GRID2: variants seen among roughly 807,000 people sequenced by gnomAD.
GRID2 encodes the protein glutamate receptor ionotropic, delta-2.
A neutral mutation model predicts 114.8 loss-of-function variants in GRID2; 33 were observed. The observed-to-expected ratio is 0.29, with a 90% CI of 0.22 to 0.38. The LOEUF (loss-of-function observed/expected upper bound fraction) is 0.38, where lower values mean the gene tolerates loss of function less well. GRID2 is among the 10% of genes least tolerant of loss of function. The pLI is 1.00. For synonymous variants in GRID2, 505 were observed against 449.9 expected, an observed-to-expected ratio of 1.12 and a Z score of -1.55; for missense variants, 1,184 against 1,257.7, an observed-to-expected ratio of 0.94 and a Z score of 0.89.
chr4:92,977,046 C>A (rs1184321258), intron 2 of GRID2, among the ~76,000 whole-genome samples: 1 of 152,052 alleles, frequency 6.6e-6, no homozygotes. Flanking sequence ...ATTCAACAAT[C>A]AATCAGTAAA....
chr4:93,579,262 C>G (rs1736735408), intron 13 of GRID2, among the ~76,000 whole-genome samples: 1 of 152,102 alleles, frequency 6.6e-6, no homozygotes, highest in South Asian at 2.1e-4. Flanking sequence ...CTCCACTACC[C>G]ACACAGTTCC....
intron 5 of GRID2, among the ~76,000 whole-genome samples, chr4:93,212,082 A>G (rs1025272302): frequency 2.0e-5 from 3 of 152,108 alleles, no homozygotes; most frequent in Admixed American, 6.6e-5. Context: ...GGATTTCTCA[A>G]TATTGCTAGG....
Position 92,406,519 on chromosome 4 carries a change from G to A in GRID2, c.88+101775G>A, listed in dbSNP as rs1025558564. Among the ~76,000 whole-genome samples the A allele has an allele frequency of 3.9e-5, 6 of 152,158 alleles. No individual in the cohort carries two copies. In the East Asian group the frequency reaches 1.2e-3, roughly 29 times the overall value. On this transcript the variant is annotated intron_variant, in intron 1 of 15. Transcript: ENST00000282020. ...GACATTGTGTCTCTGGAAGTGACTA[G>A]AGTTTTGGGTATTTTTCCTTTTTTT...
chr4:92,982,046 GAAAA>G (rs1027039954), intron 2 of GRID2, among the ~76,000 whole-genome samples: 12 of 79,612 alleles, frequency 1.5e-4, no homozygotes, highest in South Asian at 4.8e-4. Flanking sequence ...AAAAAAAAAA[GAAAA>G]AGAAAAAAGA....
intron 2 of GRID2, among the ~76,000 whole-genome samples, chr4:92,749,513 C>A (rs1737334923): frequency 6.6e-6 from 1 of 151,942 alleles, no homozygotes; most frequent in South Asian, 2.1e-4. Flanking sequence ...CCGGGTTTCA[C>A]TATGTTGGCC....
In GRID2 at chr4:93,216,919, A is replaced by G. The variant is rs762852368; in HGVS notation, c.963+8A>G. 1 of 1,592,456 alleles carries G rather than the reference A, an allele frequency of 6.3e-7. No homozygotes were observed. Among genetic ancestry groups the G allele is most frequent in the South Asian group, 1.1e-5 (1 of 90,444 alleles). ...TTTGCTCAGAATATGGAGGTATATTATAAATGACAGGATATTTCTTCCAGG... is the reference window on the plus strand; with the variant it reads ...TTTGCTCAGAATATGGAGGTATATTGTAAATGACAGGATATTTCTTCCAGG... On this transcript the variant is annotated splice_region_variant and intron_variant, in intron 6 of 15. Transcript: ENST00000282020.
Position 92,993,701 on chromosome 4 carries a change from A to C in GRID2, c.245-91294A>C, listed in dbSNP as rs545371300. 2.0e-5 allele frequency among the ~76,000 whole-genome samples: 3 copies of C among 152,280 alleles called. No individual in the cohort carries two copies. The East Asian group carries it at 5.8e-4, about 29-fold the overall frequency. Reference sequence around the variant, plus strand: ...ATCTCAGGTCACTGATTATTCTGTGAAATTTGGACAACCTCAAAGACTACA... The same window carrying C: ...ATCTCAGGTCACTGATTATTCTGTGCAATTTGGACAACCTCAAAGACTACA... On this transcript the variant is annotated intron_variant, in intron 2 of 15. Coordinates refer to ENST00000282020, the MANE Select transcript of GRID2 (RefSeq NM_001510.4).
intron 1 of GRID2, among the ~76,000 whole-genome samples, chr4:92,315,993 CAA>C (rs778361565): frequency 1.6e-4 from 10 of 61,916 alleles, no homozygotes; most frequent in Admixed American, 2.0e-4. Context: ...AAACAAAAAG[CAA>C]AAAAAAAAAA....
In GRID2 at chr4:93,644,341, A is replaced by G. The variant is rs973682109; in HGVS notation, c.2360+17906A>G. 1.4e-5 allele frequency among the ~76,000 whole-genome samples: 2 copies of G among 145,676 alleles called. 1 individual carries two copies. Among genetic ancestry groups the G allele is most frequent in the Non-Finnish European group, 3.1e-5 (2 of 64,068 alleles). ...TCGGCCATCTTGGCTCCTCCCCACT[A>G]AAACTTGCATCTTAATGATATTTTT... On this transcript the variant is annotated intron_variant, in intron 14 of 15. Transcript: ENST00000282020.
intron 8 of GRID2, among the ~76,000 whole-genome samples, chr4:93,314,303 CAAAAAAAAA>C (rs56977080): frequency 1.6e-3 from 87 of 54,174 alleles, no homozygotes; most frequent in African/African-American, 5.7e-3. Context: ...GAGTCTGTCT[CAAAAAAAAA>C]AAAAAAAAAA....
At chr4:92,834,110 G>T (rs538051775) in intron 2 of GRID2, 2 of 151,926 alleles carry the variant, frequency 1.3e-5, no homozygotes, top group Non-Finnish European at 2.9e-5. Context: ...ATTCCTTGTC[G>T]GTGTCAACTT....
At chr4:93,682,533 A>G (rs1190111056) in intron 14 of GRID2, among the ~76,000 whole-genome samples, 5 of 152,116 alleles carry the variant, frequency 3.3e-5, no homozygotes, top group Admixed American at 1.3e-4. Flanking sequence ...AACCAAGCCA[A>G]ATGTCCAACA....
chr4:92,452,541 G>T lies in GRID2; in HGVS notation c.89-137590G>T, dbSNP rs141367206. On this transcript the variant is annotated intron_variant, in intron 1 of 15. Transcript: ENST00000282020. Reference sequence around the variant, plus strand: ...ATGTTGGCCATGACTGGCCAGGCTGGTCTTGAACTCCTGACCTCAGGTGAT... The same window carrying T: ...ATGTTGGCCATGACTGGCCAGGCTGTTCTTGAACTCCTGACCTCAGGTGAT... Among the ~76,000 whole-genome samples, 484 of 152,114 alleles carry T rather than the reference G, an allele frequency of 3.2e-3. 4 individuals are homozygous for T. Among genetic ancestry groups the T allele is most frequent in the African/African-American group, 0.011 (447 of 41,536 alleles).
At chr4:93,126,464 G>C (rs1734267708) in intron 4 of GRID2, among the ~76,000 whole-genome samples, 1 of 151,042 alleles carries the variant, frequency 6.6e-6, no homozygotes, top group Non-Finnish European at 1.5e-5. Context: ...CAGATGTCCT[G>C]TGCATTATAA....
chr4:92,634,876 AG>A (rs1261731616), intron 2 of GRID2, among the ~76,000 whole-genome samples: 5 of 65,284 alleles, frequency 7.7e-5, no homozygotes, highest in African/African-American at 2.6e-4. Context: ...AGAGAGAGAG[AG>A]AAAGAGAGAG....
At chr4:93,485,434 G>A (rs1726290056) in intron 11 of GRID2, among the ~76,000 whole-genome samples, 1 of 151,598 alleles carries the variant, frequency 6.6e-6, no homozygotes, top group Admixed American at 6.6e-5. Context: ...TTTATGCTGT[G>A]TTTAATAAAT....
At chr4:93,274,989 T>C (rs1233910104) in intron 8 of GRID2, among the ~76,000 whole-genome samples, 1 of 151,978 alleles carries the variant, frequency 6.6e-6, no homozygotes, top group Non-Finnish European at 1.5e-5. Flanking sequence ...ACAAAGTTAT[T>C]CAACCCTCAG....
chr4:92,980,306 GA>G (rs1178904583), intron 2 of GRID2, among the ~76,000 whole-genome samples: 1 of 151,184 alleles, frequency 6.6e-6, no homozygotes, highest in Non-Finnish European at 1.5e-5. Flanking sequence ...TTGAGGTTCA[GA>G]AAAAAAATGT....
chr4:93,618,870 A>C (rs1741952511), intron 13 of GRID2, among the ~76,000 whole-genome samples: 1 of 152,188 alleles, frequency 6.6e-6, no homozygotes, highest in African/African-American at 2.4e-5. Context: ...ATTTGTTTCA[A>C]GAAAAAGTTG....
Sources: gnomAD v4.1 joint callset for allele counts (sites outside exome capture counted in the v4.1 genomes callset) on GRCh38, gnomAD v4.1.1 for gene constraint, MANE v1.5 for transcripts, NCBI Gene and HGNC (gene_info 2026-07-23, HGNC 2026-07-21) for gene names.